Variants in KPNA4 observed in about 807,000 individuals in gnomAD.
KPNA4 encodes importin subunit alpha-3.
Under a neutral mutation model 71.3 loss-of-function variants are expected in KPNA4, and 13 were observed. That is an observed-to-expected ratio of 0.18 (90% confidence interval 0.12 to 0.29). KPNA4 has a LOEUF of 0.29. KPNA4 is among the 10% of genes least tolerant of loss of function. KPNA4 has a pLI of 1.00. For synonymous variants in KPNA4, 189 were observed against 195.2 expected (o/e 0.97, Z 0.26); for missense variants, 334 against 603.2 (o/e 0.55, Z 4.67).
At chr3:160,547,401 C>A (rs1721935414) in intron 1 of KPNA4, among the ~76,000 whole-genome samples, 1 of 152,046 alleles carries the variant, frequency 6.6e-6, no homozygotes, top group African/African-American at 2.4e-5. Flanking sequence ...AGGAATGACA[C>A]CATGCCACAC....
At chr3:160,541,098 T>A (rs1205614547) in intron 1 of KPNA4, among the ~76,000 whole-genome samples, 1 of 152,314 alleles carries the variant, frequency 6.6e-6, no homozygotes, top group East Asian at 1.9e-4. Context: ...TTTAATGAGG[T>A]GTAGATTCTA....
intron 7 of KPNA4, among the ~76,000 whole-genome samples, chr3:160,530,134 CAAAAAA>C (rs746257397): frequency 2.6e-5 from 1 of 38,530 alleles, no homozygotes; most frequent in Non-Finnish European, 6.0e-5. Context: ...GACTCCATCT[CAAAAAA>C]AAAAAAAAAA....
Position 160,530,873 on chromosome 3 carries a change from G to C in KPNA4, c.451C>G (p.Gln151Glu), listed in dbSNP as rs769052084. The part of the protein sequence containing the change: ...NIASGTSEQT[Q>E]AVVQSNAVPL... ...AACTTACTGGACTGAACTACTGCTT[G>C]AGTTTGTTCAGAAGTTCCAGATGCA... Residue 151 changes from glutamine to glutamate, a missense_variant, in exon 7 of 17, where the codon CAA becomes GAA. By Grantham distance (29) the Gln-to-Glu change is conservative (BLOSUM62 2). Coordinates refer to ENST00000334256, the MANE Select transcript of KPNA4 (RefSeq NM_002268.5). 1.2e-6 allele frequency: 2 copies of C among 1,611,328 alleles called. No homozygotes were observed. The highest frequency in any genetic ancestry group is 1.7e-5 in the Admixed American group (1 of 59,812).
rs369179053 is a variant in KPNA4, at chr3:160,525,956, T to G, written c.708A>C (p.Pro236=). The change falls in exon 9 of 17, where the codon CCA becomes CCC. Residue 236 remains proline (P), a synonymous_variant. Coordinates refer to ENST00000334256, the MANE Select transcript of KPNA4 (RefSeq NM_002268.5). ...TGTTTACCTCCTGAATGGTTTCCAT[T>G]GGTGGTGGTGGGTCTTTGTGGCGAC... ...NLCRHKDPPP[P]METIQEILPA... is the part of the protein sequence containing the mutation. 4.4e-6 allele frequency: 7 copies of G among 1,578,916 alleles called. No individual in the cohort carries two copies. The highest frequency in any genetic ancestry group is 6.0e-6 in the Non-Finnish European group (7 of 1,165,418).
chr3:160,564,892 C>G (rs1217803888), intron 1 of KPNA4, among the ~76,000 whole-genome samples: 1 of 148,182 alleles, frequency 6.7e-6, no homozygotes, highest in Non-Finnish European at 1.5e-5. Context: ...ACCGGCCGCA[C>G]ACGCACGCCT....
intron 1 of KPNA4, among the ~76,000 whole-genome samples, chr3:160,552,981 AC>A (rs1265069492): frequency 6.6e-6 from 1 of 152,082 alleles, no homozygotes; most frequent in Non-Finnish European, 1.5e-5. Context: ...GAATTGATTT[AC>A]TTTATTATTA....
In KPNA4 at chr3:160,565,331, C is replaced by G; in HGVS notation, c.-49G>C. ...CCGCCCGGGCCCCGCGGGATCCGCC[C>G]CAACCAACGCGCCGCACCGACACTC... is the stretch of plus-strand genomic sequence containing the variant. On this transcript the variant is annotated 5_prime_UTR_variant, in exon 1 of 17. Transcript: ENST00000334256. The G allele has an allele frequency of 6.8e-7, 1 of 1,473,748 alleles. No individual in the cohort carries two copies. The highest frequency in any genetic ancestry group is 9.3e-7 in the Non-Finnish European group (1 of 1,076,894). 91.3% of individuals were successfully genotyped at this position (1,473,748 alleles called of 1,614,324 possible). A position where few individuals can be genotyped will look rare whatever the true frequency, so the allele number is the denominator to read the frequency against.
intron 1 of KPNA4, among the ~76,000 whole-genome samples, chr3:160,548,521 C>G (rs191254336): frequency 6.6e-6 from 1 of 152,226 alleles, no homozygotes; most frequent in East Asian, 1.9e-4. Flanking sequence ...TTTGCCTATT[C>G]TAGGTACCTT....
intron 10 of KPNA4, among the ~76,000 whole-genome samples, chr3:160,524,899 C>T (rs762586740): frequency 5.9e-5 from 9 of 152,172 alleles, no homozygotes; most frequent in Non-Finnish European, 1.3e-4. Flanking sequence ...AAGGCATAGG[C>T]CTTTAAATTG....
At chr3:160,539,258 A>G (rs1721751029) in intron 1 of KPNA4, among the ~76,000 whole-genome samples, 1 of 152,234 alleles carries the variant, frequency 6.6e-6, no homozygotes, top group Admixed American at 6.5e-5. Flanking sequence ...TGGTACAGAT[A>G]TAGATTTTTT....
intron 6 of KPNA4, 131 bp from the exon 7 acceptor site, chr3:160,531,071 A>G (rs1055517195): frequency 1.5e-6 from 1 of 648,200 alleles, no homozygotes; most frequent in Non-Finnish European, 2.6e-6. Context: ...CATCCAGCAT[A>G]TTTTTTTAAC....
At chr3:160,544,456 T>A (rs1721866551) in intron 1 of KPNA4, among the ~76,000 whole-genome samples, 5 of 152,172 alleles carry the variant, frequency 3.3e-5, no homozygotes. Flanking sequence ...TACTCTAAGA[T>A]TAATGGGTTA....
At chr3:160,523,299 C>T (rs1017634560) in intron 10 of KPNA4, among the ~76,000 whole-genome samples, 3 of 150,852 alleles carry the variant, frequency 2.0e-5, no homozygotes, top group Non-Finnish European at 3.0e-5. Context: ...GGTGAAACCC[C>T]GTCTCTATGA....
chr3:160,523,320 C>G (rs1721393536), intron 10 of KPNA4, among the ~76,000 whole-genome samples: 1 of 151,670 alleles, frequency 6.6e-6, no homozygotes, highest in East Asian at 1.9e-4. Flanking sequence ...AAAACAGAAA[C>G]AATTCGGCAT....
intron 8 of KPNA4, 39 bp downstream of exon 8, chr3:160,527,914 T>C (rs777168822): frequency 1.4e-6 from 2 of 1,472,494 alleles, no homozygotes; most frequent in African/African-American, 1.4e-5. Context: ...TAGTATATGA[T>C]AACAATTTTT....
intron 1 of KPNA4, among the ~76,000 whole-genome samples, chr3:160,542,308 C>T (rs1721816452): frequency 6.6e-6 from 1 of 152,170 alleles, no homozygotes; most frequent in Admixed American, 6.5e-5. Context: ...ACATGGTGAA[C>T]CAAAAGCTAA....
At chr3:160,517,943 T>C (rs1026392956) in intron 11 of KPNA4, among the ~76,000 whole-genome samples, 4 of 152,344 alleles carry the variant, frequency 2.6e-5, no homozygotes, top group African/African-American at 7.2e-5. Context: ...ATGGTGTTCT[T>C]TGAAGCACAC....
At chr3:160,509,666 G>C in intron 14 of KPNA4, 134 bp downstream of exon 14, 1 of 673,306 alleles carries the variant, frequency 1.5e-6, no homozygotes, top group Non-Finnish European at 2.6e-6. Context: ...CCCTGGCCTC[G>C]GGTGATCCTC....
intron 1 of KPNA4, 128 bp from the exon 2 acceptor site, chr3:160,536,968 T>C (rs1230155755): frequency 2.2e-6 from 1 of 459,362 alleles, no homozygotes; most frequent in Non-Finnish European, 3.9e-6. Flanking sequence ...TAAAGTCAAA[T>C]CTTACTCATA....
Sources: allele counts gnomAD v4.1 joint callset (sites outside exome capture counted in the v4.1 genomes callset), GRCh38; gene constraint gnomAD v4.1.1; transcripts MANE v1.5; gene names NCBI Gene and HGNC (gene_info 2026-07-23, HGNC 2026-07-21).